The following ARMH1 variants were observed in gnomAD, a reference collection of about 807,000 sequenced individuals.
The protein encoded by ARMH1 is armadillo like helical domain containing 1.
In ARMH1, 34 loss-of-function variants were observed where a neutral mutation model predicts 50.2. The ratio of observed to expected loss-of-function variants is 0.68; its 90% CI spans 0.51 to 0.90. The LOEUF is 0.90. Ranked by LOEUF, ARMH1 falls within the 40% of genes least tolerant of loss-of-function variation. The probability of loss-of-function intolerance (pLI) is 0.00; values close to 1 mark genes in which losing one functional copy is unlikely to be tolerated. For missense variants in ARMH1, 538 were observed against 553.9 expected (o/e 0.97, Z 0.29); for synonymous variants, 221 against 224.2 (o/e 0.99, Z 0.13).
chr1:44,712,535 C>CAAAAA (rs35480137), intron 6 of ARMH1, among the ~76,000 whole-genome samples: 1 of 64,812 alleles, frequency 1.5e-5, no homozygotes, highest in African/African-American at 5.2e-5. Context: ...CAGGGAACCG[C>CAAAAA]AAAAAAAAAA....
rs1270664226 is a variant in ARMH1, at chr1:44,683,662, AGAG to A, written c.-22-6010_-22-6008del. On this transcript the variant is annotated intron_variant, in intron 1 of 11. Transcript: ENST00000535358. The surrounding 1 kb of genome is among the most constrained non-coding windows in gnomAD (Gnocchi z 4.2). ...GATTATTGGTGACACCTTGGAGCAC[AGAG>A]GAGAACAGGATCCATGCCCTTGGCT... Among the ~76,000 whole-genome samples the A allele has an allele frequency of 2.0e-5, 3 of 152,244 alleles. No homozygotes were observed. Among genetic ancestry groups the A allele is most frequent in the Middle Eastern group, 3.2e-3 (1 of 316 alleles).
intron 6 of ARMH1, among the ~76,000 whole-genome samples, chr1:44,705,079 C>G (rs1025865169): frequency 6.6e-6 from 1 of 151,756 alleles, no homozygotes; most frequent in African/African-American, 2.4e-5. Context: ...TCGTGATCCA[C>G]CCGCCTCGGC....
Position 44,698,213 on chromosome 1 carries a change from C to A in ARMH1, c.426C>A (p.Leu142=), listed in dbSNP as rs1046888679. 3 of 1,551,822 alleles carry A rather than the reference C, an allele frequency of 1.9e-6. No homozygotes were observed. In the African/African-American group the frequency reaches 4.1e-5, roughly 21 times the overall value. ...IANSGRTYKE[L]ICESYGVRSI... is the part of the protein sequence containing the mutation. ...ACTCTGGCAGGACATACAAGGAACT[C>A]ATTTGTGAAAGCTATGGTGGGTACT... Residue 142 remains leucine (L), a synonymous_variant, in exon 4 of 12, where the codon CTC becomes CTA. Transcript: ENST00000535358.
chr1:44,720,119 T>G (rs991518726), intron 6 of ARMH1, among the ~76,000 whole-genome samples: 1 of 144,744 alleles, frequency 6.9e-6, no homozygotes, highest in African/African-American at 2.6e-5. Flanking sequence ...ATTGCTTGAA[T>G]CCATGAGGCA....
intron 1 of ARMH1, among the ~76,000 whole-genome samples, chr1:44,680,460 C>T (rs1645271948): frequency 6.6e-6 from 1 of 152,226 alleles, no homozygotes; most frequent in African/African-American, 2.4e-5. Flanking sequence ...TGGCGTAAGC[C>T]ACTGCGCCCA....
chr1:44,703,640 A>G (rs958182354), intron 5 of ARMH1, among the ~76,000 whole-genome samples: 1 of 151,336 alleles, frequency 6.6e-6, no homozygotes, highest in Non-Finnish European at 1.5e-5. Context: ...AAGCAGAAGA[A>G]TCGTTTGAGC....
intron 6 of ARMH1, among the ~76,000 whole-genome samples, chr1:44,718,738 T>C (rs1413018127): frequency 6.6e-6 from 1 of 152,126 alleles, no homozygotes; most frequent in African/African-American, 2.4e-5. Context: ...TAAGAAGCGT[T>C]TCTGGGCCGG....
chr1:44,685,232 A>G (rs1395378369), intron 1 of ARMH1, among the ~76,000 whole-genome samples: 1 of 152,218 alleles, frequency 6.6e-6, no homozygotes, highest in Non-Finnish European at 1.5e-5. Context: ...AGTGAAAAAA[A>G]TAGACAAAGG....
In ARMH1 at chr1:44,724,602, C is replaced by T; in HGVS notation, c.984C>T (p.Gly328=). ...TGCTGTACCTGCGCGTGGTGCGTGG[C>T]CTAATGGCCGCCATGGGCAACACGG... ...EELLYLRVVR[G]LMAAMGNTDH... Residue 328 remains glycine, a synonymous_variant, in exon 9 of 12, where the codon GGC becomes GGT. Transcript: ENST00000535358. This position sits in a 1 kb window ranked among gnomAD's most constrained non-coding sequence, Gnocchi z 6.4. 6 of 1,516,944 alleles carry T rather than the reference C, an allele frequency of 4.0e-6. No homozygotes were observed. The South Asian group carries it at 7.3e-5, about 19-fold the overall frequency. The allele number at this position is 1,516,944 out of a possible 1,614,324, so 94.0% of individuals were successfully genotyped here. A position where few individuals can be genotyped will look rare whatever the true frequency, so the allele number is the denominator to read the frequency against.
chr1:44,721,892 A>C (rs1298693666), intron 6 of ARMH1: 1 of 152,294 alleles, frequency 6.6e-6, no homozygotes, highest in African/African-American at 2.4e-5. Flanking sequence ...TATGAAGAGA[A>C]ACCAGAGATC....
At chr1:44,676,157 G>C (rs1442799744) in intron 1 of ARMH1, among the ~76,000 whole-genome samples, 1 of 152,128 alleles carries the variant, frequency 6.6e-6, no homozygotes, top group Non-Finnish European at 1.5e-5. Flanking sequence ...AATTGGGTGT[G>C]GGGGAAGTAA....
chr1:44,722,678 A>AG (rs1406557065), intron 6 of ARMH1, among the ~76,000 whole-genome samples: 2 of 151,836 alleles, frequency 1.3e-5, no homozygotes, highest in South Asian at 2.1e-4. Flanking sequence ...CGGGAGGCAG[A>AG]GGTTGCAGTG....
Position 44,724,985 on chromosome 1 carries a change from C to T in ARMH1, c.1128+146C>T, listed in dbSNP as rs1648065991. On this transcript the variant is annotated intron_variant, in intron 10 of 11. Coordinates refer to ENST00000535358, the MANE Select transcript of ARMH1 (RefSeq NM_001145636.2). This position sits in a 1 kb window ranked among gnomAD's most constrained non-coding sequence, Gnocchi z 6.4. Reference sequence around the variant, plus strand: ...GCAGGAGGGACTGCTCTGGCGTAGGCTCCTCCACCCGCCACCTTCCTGTTC... The same window carrying T: ...GCAGGAGGGACTGCTCTGGCGTAGGTTCCTCCACCCGCCACCTTCCTGTTC... 1.3e-6 allele frequency: 2 copies of T among 1,501,510 alleles called. No homozygotes were observed. Among genetic ancestry groups the T allele is most frequent in the African/African-American group, 1.4e-5 (1 of 72,046 alleles). 93.0% of individuals were successfully genotyped at this position (1,501,510 alleles called of 1,614,324 possible). A position where few individuals can be genotyped will look rare whatever the true frequency, so the allele number is the denominator to read the frequency against.
intron 1 of ARMH1, among the ~76,000 whole-genome samples, chr1:44,680,419 C>G (rs1442114324): frequency 6.6e-6 from 1 of 152,220 alleles, no homozygotes; most frequent in Non-Finnish European, 1.5e-5. Flanking sequence ...TCATGATCCA[C>G]CGCTTCAGCT....
chr1:44,695,822 G>A (rs1337057997), intron 2 of ARMH1, among the ~76,000 whole-genome samples: 1 of 152,046 alleles, frequency 6.6e-6, no homozygotes, highest in African/African-American at 2.4e-5. Context: ...GCACGTGCCT[G>A]TAGTCCCGGC....
Position 44,697,141 on chromosome 1 carries a change from C to G in ARMH1, c.246C>G (p.Ser82=), listed in dbSNP as rs1645853589. 6.4e-7 allele frequency: 1 copy of G among 1,552,122 alleles called. No individual in the cohort carries two copies. ...CATGTTTAGAAAAGCTTCTCAGGTCCATTGGCATCTTCTTATCAGCTGTAA... is the reference window on the plus strand; with the variant it reads ...CATGTTTAGAAAAGCTTCTCAGGTCGATTGGCATCTTCTTATCAGCTGTAA... ...TDSCLEKLLR[S]IGIFLSAVSS... The change falls in exon 3 of 12, where the codon TCC becomes TCG. Residue 82 remains serine (S), a synonymous_variant. Coordinates refer to ENST00000535358, the MANE Select transcript of ARMH1 (RefSeq NM_001145636.2).
chr1:44,690,855 T>C (rs1255671205), intron 2 of ARMH1, among the ~76,000 whole-genome samples: 20 of 152,092 alleles, frequency 1.3e-4, no homozygotes, highest in Admixed American at 1.3e-3. Flanking sequence ...ATTTTTGTAT[T>C]TTTAGTAGAG....
Position 44,701,121 on chromosome 1 carries a change from T to C in ARMH1, c.639+2T>C. ...CTGCAGACTCTCAGGACTGCCCAGG[T>C]GAGCCAAGGCTGCATGCTCCTGTGG... On this transcript the variant is annotated splice_donor_variant, in intron 5 of 11. Coordinates refer to ENST00000535358, the MANE Select transcript of ARMH1 (RefSeq NM_001145636.2). LOFTEE classifies it high-confidence loss of function. 1 of 1,546,020 alleles carries C rather than the reference T, an allele frequency of 6.5e-7. No individual in the cohort carries two copies. The highest frequency in any genetic ancestry group is 2.0e-5 in the Admixed American group (1 of 49,854).
intron 4 of ARMH1, among the ~76,000 whole-genome samples, chr1:44,699,707 C>T (rs1645974464): frequency 6.6e-6 from 1 of 152,146 alleles, no homozygotes; most frequent in Non-Finnish European, 1.5e-5. Flanking sequence ...CCACCTCGGC[C>T]TCCCAAAGTA....
Sources: gnomAD v4.1 joint callset for allele counts (sites outside exome capture counted in the v4.1 genomes callset) on GRCh38, gnomAD v4.1.1 for gene constraint, Gnocchi (gnomAD v3.1) non-coding constraint, MANE v1.5 for transcripts, NCBI Gene and HGNC (gene_info 2026-07-23, HGNC 2026-07-21) for gene names.